The following UBXN7 variants were observed in gnomAD, a reference collection of about 807,000 sequenced individuals.
UBXN7 encodes the protein UBX domain protein 7.
A neutral mutation model predicts 58.0 loss-of-function variants in UBXN7; 9 were observed. The ratio of observed to expected loss-of-function variants is 0.16; its 90% CI spans 0.09 to 0.27. The LOEUF is 0.27. Ranked by LOEUF, UBXN7 falls within the 10% of genes least tolerant of loss-of-function variation. UBXN7 has a pLI of 1.00. For synonymous variants in UBXN7, 208 were observed against 205.0 expected (o/e 1.01, Z -0.12); for missense variants, 328 against 599.6 (o/e 0.55, Z 4.73).
intron 9 of UBXN7, 94 bp downstream of exon 9, chr3:196,362,200 G>T: frequency 1.4e-6 from 2 of 1,456,578 alleles, no homozygotes; most frequent in African/African-American, 1.4e-5. Context: ...TGCCATGTTG[G>T]CGAGGCTGGT....
intron 10 of UBXN7, among the ~76,000 whole-genome samples, chr3:196,358,097 G>A (rs79676219): frequency 2.0e-5 from 3 of 152,298 alleles, no homozygotes; most frequent in East Asian, 3.9e-4. Flanking sequence ...CTCATCAGCT[G>A]TGTTAGATGA....
intron 1 of UBXN7, among the ~76,000 whole-genome samples, chr3:196,416,871 T>C (rs1447243285): frequency 6.6e-6 from 1 of 152,046 alleles, no homozygotes; most frequent in Non-Finnish European, 1.5e-5. Context: ...GAAAAGGGTG[T>C]TGATTTAGAA....
At chr3:196,414,670 C>T (rs2108620392) in intron 1 of UBXN7, 1 of 152,340 alleles carries the variant, frequency 6.6e-6, no homozygotes, top group East Asian at 1.9e-4. Context: ...TGAACATTTC[C>T]TCTGCCTCCT....
Position 196,423,813 on chromosome 3 carries a change from T to C in UBXN7, c.73+8514A>G, listed in dbSNP as rs573594701. Reference sequence around the variant, plus strand: ...GCACCACAGGGACAGAAGAGAGCCATCTTGAAGCTAATTGTGTTAGCTAAA... The same window carrying C: ...GCACCACAGGGACAGAAGAGAGCCACCTTGAAGCTAATTGTGTTAGCTAAA... On this transcript the variant is annotated intron_variant, in intron 1 of 10. Transcript: ENST00000296328. Among the ~76,000 whole-genome samples the C allele has an allele frequency of 2.6e-5, 4 of 152,224 alleles. No individual in the cohort carries two copies. The East Asian group carries it at 5.8e-4, about 22-fold the overall frequency.
intron 5 of UBXN7, among the ~76,000 whole-genome samples, chr3:196,384,642 C>T (rs1036846622): frequency 6.6e-6 from 1 of 152,128 alleles, no homozygotes; most frequent in African/African-American, 2.4e-5. Flanking sequence ...AAGGTTGGTT[C>T]AACATATGCA....
intron 5 of UBXN7, among the ~76,000 whole-genome samples, chr3:196,379,005 T>A (rs1311281140): frequency 7.8e-6 from 1 of 128,068 alleles, no homozygotes; most frequent in African/African-American, 3.0e-5. Context: ...TTTGGGGGAT[T>A]TTAGCCAGCT....
chr3:196,414,359 T>C (rs1730418551), intron 1 of UBXN7, among the ~76,000 whole-genome samples: 1 of 152,226 alleles, frequency 6.6e-6, no homozygotes, highest in South Asian at 2.1e-4. Context: ...GAGGGCCAGA[T>C]GTACCTTCGA....
intron 1 of UBXN7, 85 bp from the exon 2 acceptor site, chr3:196,407,478 A>G: frequency 6.7e-7 from 1 of 1,485,256 alleles, no homozygotes; most frequent in Non-Finnish European, 8.9e-7. Flanking sequence ...AGAATTCCCA[A>G]GTAAATTAAT....
At chr3:196,393,497 T>C (rs1729647150) in intron 4 of UBXN7, 57 bp downstream of exon 4, 2 of 1,520,330 alleles carry the variant, frequency 1.3e-6, no homozygotes, top group African/African-American at 2.8e-5. Context: ...GTAATCATCT[T>C]TGTCTTTTTA....
At chr3:196,391,719 G>C (rs2108845507) in intron 5 of UBXN7, 94 bp downstream of exon 5, 3 of 907,958 alleles carry the variant, frequency 3.3e-6, no homozygotes, top group Non-Finnish European at 5.1e-6. Flanking sequence ...GGACGACAGA[G>C]CGAGACCTGC....
chr3:196,385,811 C>T lies in UBXN7; in HGVS notation c.468+6002G>A, dbSNP rs577335145. ...GGAAGTGGGGGGGGTGGGGGCGCCT[C>T]TGCCCGGCCGCCCCGTCTGGGAAGT... On this transcript the variant is annotated intron_variant, in intron 5 of 10. Coordinates refer to ENST00000296328, the MANE Select transcript of UBXN7 (RefSeq NM_015562.2). Among the ~76,000 whole-genome samples the T allele has an allele frequency of 1.8e-4, 28 of 151,746 alleles. No homozygotes were observed. The East Asian group carries it at 5.3e-3, about 29-fold the overall frequency.
chr3:196,431,982 G>C, intron 1 of UBXN7: 1 of 477,312 alleles, frequency 2.1e-6, no homozygotes, highest in Non-Finnish European at 3.9e-6. Context: ...AGGAGGAGGA[G>C]GGCGGTGGCC....
chr3:196,384,210 C>A (rs1226769553), intron 5 of UBXN7, among the ~76,000 whole-genome samples: 1 of 151,922 alleles, frequency 6.6e-6, no homozygotes, highest in African/African-American at 2.4e-5. Context: ...AAGAAATGGG[C>A]AAATTCCTGG....
At chr3:196,400,290 A>G (rs1729918955) in intron 3 of UBXN7, 1 of 152,220 alleles carries the variant, frequency 6.6e-6, no homozygotes, top group Non-Finnish European at 1.5e-5. Context: ...TAGGGACCTG[A>G]GCCCACACCT....
intron 1 of UBXN7, among the ~76,000 whole-genome samples, chr3:196,423,018 A>G (rs1239631707): frequency 6.6e-6 from 1 of 152,262 alleles, no homozygotes; most frequent in Non-Finnish European, 1.5e-5. Context: ...TATTGTGATT[A>G]CACTTACATG....
chr3:196,385,200 C>T (rs1253788354), intron 5 of UBXN7, among the ~76,000 whole-genome samples: 17 of 152,224 alleles, frequency 1.1e-4, no homozygotes, highest in African/African-American at 2.9e-4. Flanking sequence ...GACGGGGTTT[C>T]GCCGTGTTGG....
At position 196,432,208 on chromosome 3, in the gene UBXN7, G is replaced by A. The variant is rs768928690; in HGVS notation, c.73+119C>T. On this transcript the variant is annotated intron_variant, in intron 1 of 10. Coordinates refer to ENST00000296328, the MANE Select transcript of UBXN7 (RefSeq NM_015562.2). The stretch of plus-strand genomic sequence containing the variant: ...GTCGTCGCCTCTTCCTCAGGAGGGA[G>A]GACGGCAGCTGTGGGTAAAGCCCGA... 1.5e-5 allele frequency: 21 copies of A among 1,395,704 alleles called. No homozygotes were observed. The South Asian group carries it at 2.2e-4, about 15-fold the overall frequency. The allele number at this position is 1,395,704 out of a possible 1,614,324, so 86.5% of individuals were successfully genotyped here. A position where few individuals can be genotyped will look rare whatever the true frequency, so the allele number is the denominator to read the frequency against.
intron 5 of UBXN7, among the ~76,000 whole-genome samples, chr3:196,386,747 T>C (rs563003803): frequency 9.2e-5 from 14 of 152,314 alleles, no homozygotes; most frequent in African/African-American, 3.1e-4. Context: ...TCCATGCTCA[T>C]GGATAGGAAG....
chr3:196,429,067 C>T (rs1432564821), intron 1 of UBXN7, among the ~76,000 whole-genome samples: 2 of 151,562 alleles, frequency 1.3e-5, no homozygotes, highest in Non-Finnish European at 2.9e-5. Context: ...GTGGCTCACA[C>T]GTGTAATCCC....
Sources: allele counts gnomAD v4.1 joint callset (sites outside exome capture counted in the v4.1 genomes callset), GRCh38; gene constraint gnomAD v4.1.1; transcripts MANE v1.5; gene names NCBI Gene and HGNC (gene_info 2026-07-23, HGNC 2026-07-21).